Variants in OPHN1 observed in about 807,000 individuals in gnomAD.
OPHN1 encodes oligophrenin-1.
A neutral mutation model predicts 60.7 loss-of-function variants in OPHN1; 11 were observed. The ratio of observed to expected loss-of-function variants is 0.18; its 90% CI spans 0.11 to 0.30. The LOEUF (loss-of-function observed/expected upper bound fraction) is 0.30. OPHN1 is among the 10% of genes least tolerant of loss of function. The probability of loss-of-function intolerance (pLI) is 1.00; values close to 1 mark genes in which losing one functional copy is unlikely to be tolerated. For missense variants in OPHN1, 449 were observed against 611.0 expected, an observed-to-expected ratio of 0.73 and a Z score of 2.80; for synonymous variants, 226 against 222.6, an observed-to-expected ratio of 1.02 and a Z score of -0.14.
At chrX:68,118,838 T>C (rs111955884) in intron 16 of OPHN1, among the ~76,000 whole-genome samples, 1 of 111,421 alleles carries the variant, frequency 9.0e-6, no homozygotes, top group African/African-American at 3.3e-5. Flanking sequence ...CACACACATA[T>C]ACCATTTTTG....
chrX:68,268,888 C>T (rs2077949295), intron 5 of OPHN1, among the ~76,000 whole-genome samples: 1 of 111,895 alleles, frequency 8.9e-6, no homozygotes, highest in Non-Finnish European at 1.9e-5. Flanking sequence ...GCAACTTCAG[C>T]AAAGTCTCAG....
intron 2 of OPHN1, among the ~76,000 whole-genome samples, chrX:68,309,642 C>T (rs761483334): frequency 1.8e-5 from 2 of 112,247 alleles, no homozygotes; most frequent in Non-Finnish European, 3.8e-5. Context: ...CATTCATGGA[C>T]ATGCAAATAG....
intron 3 of OPHN1, among the ~76,000 whole-genome samples, chrX:68,287,436 G>C (rs1280783254): frequency 5.7e-5 from 6 of 105,816 alleles, no homozygotes; most frequent in Non-Finnish European, 1.2e-4. Context: ...CAAGGCAGGA[G>C]GATTGCTTGA....
At chrX:68,317,602 A>G (rs866465933) in intron 2 of OPHN1, among the ~76,000 whole-genome samples, 1,563 of 91,189 alleles carry the variant, frequency 0.017, 103 homozygotes, top group African/African-American at 0.082. Context: ...AGAGAAAGAA[A>G]AAAGAAAGGA....
At chrX:68,369,523 T>C (rs758147014) in intron 2 of OPHN1, among the ~76,000 whole-genome samples, 15 of 111,140 alleles carry the variant, frequency 1.3e-4, no homozygotes, top group Admixed American at 4.8e-4. Flanking sequence ...CCTGAGGAAG[T>C]CCAGACATCA....
In OPHN1 at chrX:68,071,053, G is replaced by A; in HGVS notation, c.1834+2099C>T. 2.7e-6 allele frequency: 3 copies of A among 1,114,700 alleles called. No homozygotes were observed. The East Asian group carries it at 9.0e-5, about 33-fold the overall frequency. 91.9% of individuals were successfully genotyped at this position (1,114,700 alleles called of 1,213,427 possible). On this transcript the variant is annotated intron_variant, in intron 20 of 24. Coordinates refer to ENST00000355520, the MANE Select transcript of OPHN1 (RefSeq NM_002547.3). ...GTTGAGCACCTTAAGGAAGGTAAAA[G>A]CCGTTCCACCACCAATAATCATCTC...
At chrX:68,066,904 C>T (rs752869138) in intron 20 of OPHN1, among the ~76,000 whole-genome samples, 1 of 111,974 alleles carries the variant, frequency 8.9e-6, no homozygotes, top group African/African-American at 3.2e-5. Context: ...CCTAACCAGC[C>T]ACCCATTTCT....
At chrX:68,397,061 T>C (rs777347140) in intron 2 of OPHN1, among the ~76,000 whole-genome samples, 51 of 111,511 alleles carry the variant, frequency 4.6e-4, no homozygotes, top group Non-Finnish European at 9.0e-4. Flanking sequence ...TGCTCTTGCC[T>C]TGGAGCAACA....
intron 6 of OPHN1, among the ~76,000 whole-genome samples, chrX:68,226,848 T>C (rs2077696402): frequency 9.0e-6 from 1 of 111,374 alleles, no homozygotes; most frequent in Non-Finnish European, 1.9e-5. Context: ...CCAGCGAACA[T>C]CATAATCACA....
At chrX:68,270,816 G>C (rs1324954323) in intron 5 of OPHN1, among the ~76,000 whole-genome samples, 1 of 111,339 alleles carries the variant, frequency 9.0e-6, no homozygotes. Flanking sequence ...GTTGTCATGA[G>C]CCATGAGAAA....
intron 3 of OPHN1, among the ~76,000 whole-genome samples, chrX:68,289,322 C>T (rs1432971846): frequency 3.6e-5 from 4 of 111,481 alleles, no homozygotes; most frequent in African/African-American, 9.8e-5. Context: ...ACAAAAAATT[C>T]GGAAAAGTGA....
intron 19 of OPHN1, among the ~76,000 whole-genome samples, chrX:68,088,961 G>A (rs1019527474): frequency 9.0e-6 from 1 of 111,013 alleles, no homozygotes; most frequent in Non-Finnish European, 1.9e-5. Flanking sequence ...AGGTAGCCTG[G>A]ACATTTTCAG....
chrX:68,415,184 C>T (rs1185764123), intron 2 of OPHN1, among the ~76,000 whole-genome samples: 5 of 111,975 alleles, frequency 4.5e-5, no homozygotes, highest in African/African-American at 1.6e-4. Context: ...CCTACTTACA[C>T]ATGGGAACCT....
At chrX:68,260,009 A>G (rs182876747) in intron 5 of OPHN1, among the ~76,000 whole-genome samples, 2 of 111,895 alleles carry the variant, frequency 1.8e-5, no homozygotes, top group East Asian at 5.6e-4. Context: ...CATTTTTTGA[A>G]ATTATAACAT....
At chrX:68,198,815 T>TA (rs1440413764) in intron 11 of OPHN1, among the ~76,000 whole-genome samples, 1 of 111,630 alleles carries the variant, frequency 9.0e-6, no homozygotes, top group East Asian at 2.8e-4. Context: ...CCATTACTGA[T>TA]ATCACAGGAA....
intron 12 of OPHN1, 90 bp downstream of exon 12, chrX:68,197,096 A>C (rs2077515946): frequency 4.6e-6 from 3 of 652,089 alleles, no homozygotes; most frequent in Non-Finnish European, 7.6e-6. Flanking sequence ...ATCCATTACC[A>C]TTTAATTGTC....
intron 2 of OPHN1, among the ~76,000 whole-genome samples, chrX:68,413,270 T>TG (rs779168575): frequency 1.8e-5 from 2 of 111,956 alleles, no homozygotes; most frequent in Admixed American, 9.6e-5. Flanking sequence ...GTATATTCTG[T>TG]GAGATGATTT....
At chrX:68,376,779 TG>T (rs772162808) in intron 2 of OPHN1, among the ~76,000 whole-genome samples, 1 of 111,647 alleles carries the variant, frequency 9.0e-6, no homozygotes, top group South Asian at 3.8e-4. Flanking sequence ...TTTGTTGACA[TG>T]AAAAATTCAA....
chrX:68,267,417 C>T (rs1023223374), intron 5 of OPHN1, among the ~76,000 whole-genome samples: 2 of 111,939 alleles, frequency 1.8e-5, no homozygotes, highest in Non-Finnish European at 3.8e-5. Context: ...ACGACCTGCT[C>T]CCGAATGACT....
Sources: gnomAD v4.1 joint callset for allele counts (sites outside exome capture counted in the v4.1 genomes callset) on GRCh38, gnomAD v4.1.1 for gene constraint, MANE v1.5 for transcripts, NCBI Gene and HGNC (gene_info 2026-07-23, HGNC 2026-07-21) for gene names.